Variants in RPS6KC1 observed in about 807,000 individuals in gnomAD.
RPS6KC1 encodes inactive ribosomal protein S6 kinase delta-1.
Under a neutral mutation model 103.8 loss-of-function variants are expected in RPS6KC1, and 54 were observed. The ratio of observed to expected loss-of-function variants is 0.52; its 90% CI spans 0.42 to 0.65. The LOEUF (loss-of-function observed/expected upper bound fraction) is 0.65. RPS6KC1 is among the 30% of genes least tolerant of loss of function. The pLI is 0.00. For missense variants in RPS6KC1, 1,151 were observed against 1,253.8 expected (o/e 0.92, Z 1.24); for synonymous variants, 439 against 438.7 (o/e 1.00, Z -0.01).
chr1:213,385,457 T>A, the RPS6KC1 span, among the ~76,000 whole-genome samples: 1 of 152,226 alleles, frequency 6.6e-6, no homozygotes, highest in Non-Finnish European at 1.5e-5. Context: ...CTAGCCATCA[T>A]GCCATGCTGC....
At chr1:213,657,046 T>A in the RPS6KC1 span, among the ~76,000 whole-genome samples, 1 of 151,966 alleles carries the variant, frequency 6.6e-6, no homozygotes, top group Admixed American at 6.6e-5. Flanking sequence ...AGGGAAGAAA[T>A]GATGAACATA....
chr1:213,664,385 C>T, the RPS6KC1 span, among the ~76,000 whole-genome samples: 1 of 152,070 alleles, frequency 6.6e-6, no homozygotes. Flanking sequence ...TAAACACAGG[C>T]CCTTATTTGA....
the RPS6KC1 span, among the ~76,000 whole-genome samples, chr1:213,663,255 C>A: frequency 6.6e-6 from 1 of 152,208 alleles, no homozygotes; most frequent in East Asian, 1.9e-4. Context: ...CTCACTGAGA[C>A]AAGAGCTGTG....
chr1:213,519,114 C>T, the RPS6KC1 span, among the ~76,000 whole-genome samples: 1 of 152,144 alleles, frequency 6.6e-6, no homozygotes, highest in Non-Finnish European at 1.5e-5. Flanking sequence ...AGTGTGTTCA[C>T]AAAATATGAC....
the RPS6KC1 span, among the ~76,000 whole-genome samples, chr1:213,728,937 G>GCTTTTTTTTTT: frequency 1.1e-5 from 1 of 93,416 alleles, no homozygotes; most frequent in African/African-American, 4.8e-5. Flanking sequence ...GAACATGAGG[G>GCTTTTTTTTTT]TTTTTTTTTT....
chr1:213,282,063 A>G, the RPS6KC1 span, among the ~76,000 whole-genome samples: 10 of 152,240 alleles, frequency 6.6e-5, no homozygotes, highest in Non-Finnish European at 1.2e-4. Flanking sequence ...TCCAGGACCC[A>G]GATGCCAATA....
the RPS6KC1 span, among the ~76,000 whole-genome samples, chr1:213,288,347 C>G: frequency 6.6e-6 from 1 of 152,192 alleles, no homozygotes; most frequent in East Asian, 1.9e-4. Context: ...ACCTTGCATA[C>G]AAAGAATTTC....
At chr1:213,624,049 A>G in the RPS6KC1 span, among the ~76,000 whole-genome samples, 19 of 152,200 alleles carry the variant, frequency 1.2e-4, no homozygotes, top group Admixed American at 6.5e-5. Context: ...TGGAGACTTC[A>G]TTACAGATGG....
chr1:213,253,779 T>TCTTTC (rs572720664), intron 12 of RPS6KC1, among the ~76,000 whole-genome samples: 1 of 152,218 alleles, frequency 6.6e-6, no homozygotes, highest in Non-Finnish European at 1.5e-5. Flanking sequence ...GTACTGTTCT[T>TCTTTC]CTTTCCTTTC....
the RPS6KC1 span, among the ~76,000 whole-genome samples, chr1:213,808,760 G>A: frequency 7.9e-5 from 12 of 152,286 alleles, no homozygotes; most frequent in African/African-American, 1.2e-4. Context: ...GCCTTGCTTC[G>A]GCTCGCACAC....
At chr1:213,836,174 T>A in the RPS6KC1 span, 1 of 151,958 alleles carries the variant, frequency 6.6e-6, no homozygotes, top group African/African-American at 2.4e-5. Flanking sequence ...TAAAAAATAG[T>A]ATCAACAGAG....
At chr1:213,169,369 T>C (rs573909609) in intron 7 of RPS6KC1, among the ~76,000 whole-genome samples, 211 of 152,362 alleles carry the variant, frequency 1.4e-3, no homozygotes, top group African/African-American at 5.0e-3. Context: ...TATATACTTA[T>C]GTTGCTCTAA....
chr1:213,804,112 A>AT, the RPS6KC1 span, among the ~76,000 whole-genome samples: 2 of 151,228 alleles, frequency 1.3e-5, no homozygotes, highest in African/African-American at 4.9e-5. Flanking sequence ...AAGTATAATA[A>AT]TAAAAAAAAA....
intron 8 of RPS6KC1, among the ~76,000 whole-genome samples, chr1:213,200,771 C>G (rs1383454664): frequency 6.6e-6 from 1 of 151,998 alleles, no homozygotes; most frequent in East Asian, 1.9e-4. Context: ...CTTAAATTTA[C>G]AAGAAGAAAA....
intron 5 of RPS6KC1, among the ~76,000 whole-genome samples, chr1:213,120,767 AAT>A (rs751554871): frequency 1.3e-5 from 2 of 152,154 alleles, no homozygotes; most frequent in African/African-American, 2.4e-5. Context: ...GGTAAATCTT[AAT>A]ATATAGTCTG....
At chr1:213,567,776 T>C in the RPS6KC1 span, among the ~76,000 whole-genome samples, 2 of 152,228 alleles carry the variant, frequency 1.3e-5, no homozygotes. Flanking sequence ...CTAGTAATTG[T>C]AATGGAGTTG....
At chr1:213,507,725 G>A in the RPS6KC1 span, among the ~76,000 whole-genome samples, 12 of 152,182 alleles carry the variant, frequency 7.9e-5, no homozygotes, top group African/African-American at 2.4e-4. Flanking sequence ...GTATGCCCAG[G>A]CATGGCTTGA....
chr1:213,437,799 A>C, the RPS6KC1 span, among the ~76,000 whole-genome samples: 1 of 151,374 alleles, frequency 6.6e-6, no homozygotes. Context: ...TTTTGACTTG[A>C]ATGCTTAGAT....
chr1:213,114,632 G>T (rs2083387699), intron 4 of RPS6KC1, among the ~76,000 whole-genome samples: 1 of 150,992 alleles, frequency 6.6e-6, no homozygotes, highest in Non-Finnish European at 1.5e-5. Context: ...CCTGTCTTGT[G>T]CCAGTTTTCA....
Sources: allele counts gnomAD v4.1 joint callset (sites outside exome capture counted in the v4.1 genomes callset), GRCh38; gene constraint gnomAD v4.1.1; transcripts MANE v1.5; gene names NCBI Gene and HGNC (gene_info 2026-07-23, HGNC 2026-07-21).